Variants in GGACT observed in about 807,000 individuals in gnomAD.
The protein encoded by GGACT is gamma-glutamylaminecyclotransferase.
For missense variants in GGACT, 241 were observed against 233.2 expected, an observed-to-expected ratio of 1.03 and a Z score of -0.22; for synonymous variants, 118 against 115.3, an observed-to-expected ratio of 1.02 and a Z score of -0.15.
chr13:100,535,577 C>G (rs916446854), intron 2 of GGACT, among the ~76,000 whole-genome samples: 1 of 152,156 alleles, frequency 6.6e-6, no homozygotes, highest in African/African-American at 2.4e-5. Flanking sequence ...TAGCGTGTGC[C>G]GCTGCTGTCA....
At chr13:100,573,860 G>GGTATTA (rs1379962118) in intron 2 of GGACT, among the ~76,000 whole-genome samples, 73 of 144,778 alleles carry the variant, frequency 5.0e-4, no homozygotes, top group African/African-American at 1.8e-3. Flanking sequence ...TCTCACACCT[G>GGTATTA]TCAAGATGGC....
rs572647653 is a variant in GGACT at position 100,542,027 on chromosome 13, A to G, written c.-10-9426T>C. On this transcript the variant is annotated intron_variant, in intron 2 of 2. Transcript: ENST00000683975. The stretch of plus-strand genomic sequence containing the variant: ...TCTGATTGTGTTTTGAACAACACAC[A>G]CAGATCCTAACAGGAAGAAACTTGT... Among the ~76,000 whole-genome samples, 8 of 152,310 alleles carry G rather than the reference A, an allele frequency of 5.3e-5. No individual in the cohort carries two copies. In the South Asian group the frequency reaches 1.7e-3, roughly 32 times the overall value.
intron 2 of GGACT, among the ~76,000 whole-genome samples, chr13:100,543,458 G>A (rs926511737): frequency 1.3e-5 from 2 of 151,910 alleles, no homozygotes; most frequent in Non-Finnish European, 2.9e-5. Flanking sequence ...CGCCCACCTC[G>A]GCCTCCCAAA....
intron 2 of GGACT, among the ~76,000 whole-genome samples, chr13:100,549,693 C>T (rs181512058): frequency 3.3e-5 from 5 of 152,270 alleles, no homozygotes; most frequent in African/African-American, 9.6e-5. Flanking sequence ...TTATTAAAAC[C>T]AGTTTAAACC....
At position 100,530,218 on chromosome 13, in the gene GGACT, T is replaced by C; in HGVS notation, c.*1912A>G. On this transcript the variant is annotated 3_prime_UTR_variant, in exon 3 of 3. Coordinates refer to ENST00000683975, the MANE Select transcript of GGACT (RefSeq NM_001195087.2). ...CCAATTTAATTAGCCATTTGCATGA[T>C]GCTTTCACACACAATTGATTCAAGC... 1 of 1,352,480 alleles carries C rather than the reference T, an allele frequency of 7.4e-7. No homozygotes were observed. Among genetic ancestry groups the C allele is most frequent in the Non-Finnish European group, 1.1e-6 (1 of 942,400 alleles). The allele number at this position is 1,352,480 out of a possible 1,614,324, so 83.8% of individuals were successfully genotyped here.
At chr13:100,578,770 C>A (rs1233262851) in intron 2 of GGACT, 1 of 152,170 alleles carries the variant, frequency 6.6e-6, no homozygotes, top group African/African-American at 2.4e-5. Context: ...TCAAAGCAGG[C>A]AGTTATGATT....
At chr13:100,543,621 G>A (rs998054340) in intron 2 of GGACT, among the ~76,000 whole-genome samples, 1 of 152,176 alleles carries the variant, frequency 6.6e-6, no homozygotes, top group Non-Finnish European at 1.5e-5. Flanking sequence ...ATGTCATCAT[G>A]TCAAAGCATC....
rs2088456149 is a variant in GGACT, at chr13:100,534,031, C to T, written c.-10-1430G>A. Among the ~76,000 whole-genome samples the T allele has an allele frequency of 6.6e-6, 1 of 152,258 alleles. No individual in the cohort carries two copies. The highest frequency in any genetic ancestry group is 2.1e-4 in the South Asian group (1 of 4,838). ...GCCAGAAATGGCCCCGGACACCACACTTGCCACCAATCATGTGGACAAGTG... is the reference window on the plus strand; with the variant it reads ...GCCAGAAATGGCCCCGGACACCACATTTGCCACCAATCATGTGGACAAGTG... On this transcript the variant is annotated intron_variant, in intron 2 of 2. Transcript: ENST00000683975. This position sits in a 1 kb window ranked among gnomAD's most constrained non-coding sequence, Gnocchi z 4.9.
chr13:100,564,091 G>A (rs1018137521), intron 2 of GGACT, among the ~76,000 whole-genome samples: 5 of 152,226 alleles, frequency 3.3e-5, no homozygotes, highest in Admixed American at 2.0e-4. Context: ...AAGCTTCAAC[G>A]CTGATGTTCT....
rs567012620 is a variant in GGACT at position 100,534,980 on chromosome 13, G to A, written c.-10-2379C>T. ...TGTCACATCACTCTGTCTGGTTGTC[G>A]TTATAGCACACGTGCTCTCTAAATC... On this transcript the variant is annotated intron_variant, in intron 2 of 2. Coordinates refer to ENST00000683975, the MANE Select transcript of GGACT (RefSeq NM_001195087.2). The surrounding 1 kb of genome is among the most constrained non-coding windows in gnomAD (Gnocchi z 4.9). Among the ~76,000 whole-genome samples the A allele has an allele frequency of 7.9e-4, 120 of 152,350 alleles. 1 individual carries two copies. Among genetic ancestry groups the A allele is most frequent in the South Asian group, 6.6e-3 (32 of 4,828 alleles).
intron 2 of GGACT, among the ~76,000 whole-genome samples, chr13:100,555,575 C>T (rs1232609806): frequency 6.6e-6 from 1 of 151,876 alleles, no homozygotes; most frequent in African/African-American, 2.4e-5. Flanking sequence ...TGGCTCACAC[C>T]TGTAATCCTA....
intron 2 of GGACT, among the ~76,000 whole-genome samples, chr13:100,551,713 A>G (rs2088666296): frequency 6.6e-6 from 1 of 152,224 alleles, no homozygotes; most frequent in African/African-American, 2.4e-5. Flanking sequence ...CAGCTGCCCA[A>G]AGAAGGTGCT....
chr13:100,564,320 T>C (rs1261956433), intron 2 of GGACT, among the ~76,000 whole-genome samples: 2 of 152,194 alleles, frequency 1.3e-5, no homozygotes, highest in Non-Finnish European at 2.9e-5. Context: ...CTGTATACTT[T>C]AAAAACAGAG....
At chr13:100,580,430 C>T (rs894290036) in intron 2 of GGACT, among the ~76,000 whole-genome samples, 3 of 152,210 alleles carry the variant, frequency 2.0e-5, no homozygotes, top group South Asian at 2.1e-4. Context: ...TGCCGCAGAA[C>T]GCCTGGAGCC....
chr13:100,570,598 C>G lies in GGACT; in HGVS notation c.-11+13227G>C, dbSNP rs1035730731. ...GAGACACAGCCAAATTATATCAGAC[C>G]TCAAATGAATCTCTGGAAGCAGTCT... is the stretch of plus-strand genomic sequence containing the variant. On this transcript the variant is annotated intron_variant, in intron 2 of 2. Coordinates refer to ENST00000683975, the MANE Select transcript of GGACT (RefSeq NM_001195087.2). Among the ~76,000 whole-genome samples the G allele has an allele frequency of 4.6e-5, 7 of 152,078 alleles. No homozygotes were observed. The South Asian group carries it at 1.0e-3, about 23-fold the overall frequency.
chr13:100,579,276 C>T (rs1474716005), intron 2 of GGACT, among the ~76,000 whole-genome samples: 3 of 152,118 alleles, frequency 2.0e-5, no homozygotes, highest in African/African-American at 7.2e-5. Flanking sequence ...TGCAGCAAAA[C>T]CACCCCCAGG....
intron 2 of GGACT, among the ~76,000 whole-genome samples, chr13:100,566,288 G>A (rs1001360333): frequency 5.9e-5 from 9 of 152,218 alleles, no homozygotes; most frequent in Non-Finnish European, 1.2e-4. Flanking sequence ...TAAGTCCAGA[G>A]GGCCAATCCA....
intron 1 of GGACT, among the ~76,000 whole-genome samples, chr13:100,584,279 A>G (rs1448563777): frequency 6.6e-6 from 1 of 152,230 alleles, no homozygotes; most frequent in African/African-American, 2.4e-5. Flanking sequence ...CATATACACA[A>G]TGAAGTACTA....
intron 2 of GGACT, among the ~76,000 whole-genome samples, chr13:100,554,477 A>C (rs1372821921): frequency 6.6e-6 from 1 of 152,182 alleles, no homozygotes; most frequent in Non-Finnish European, 1.5e-5. Context: ...CCTTGTTTGG[A>C]TTCTGATTTG....
Sources: allele counts gnomAD v4.1 joint callset (sites outside exome capture counted in the v4.1 genomes callset), GRCh38; gene constraint gnomAD v4.1.1; non-coding constraint Gnocchi (gnomAD v3.1); transcripts MANE v1.5; gene names NCBI Gene and HGNC (gene_info 2026-07-23, HGNC 2026-07-21).